NPAS3: variants seen among roughly 807,000 people sequenced by gnomAD.
NPAS3 encodes neuronal PAS domain-containing protein 3.
Under a neutral mutation model 73.1 loss-of-function variants are expected in NPAS3, and 14 were observed. The ratio of observed to expected loss-of-function variants is 0.19; its 90% CI spans 0.13 to 0.30. The LOEUF (loss-of-function observed/expected upper bound fraction) is 0.30. Among genes scored for constraint, NPAS3 ranks in the 10% least tolerant of loss-of-function variants. The probability of loss-of-function intolerance (pLI) is 1.00; values close to 1 mark genes in which losing one functional copy is unlikely to be tolerated. For synonymous variants in NPAS3, 620 were observed against 541.5 expected, an observed-to-expected ratio of 1.14 and a Z score of -2.01; for missense variants, 1,096 against 1,250.0, an observed-to-expected ratio of 0.88 and a Z score of 1.86.
chr14:33,298,247 C>G (rs905649085), intron 3 of NPAS3, among the ~76,000 whole-genome samples: 1 of 152,196 alleles, frequency 6.6e-6, no homozygotes, highest in Non-Finnish European at 1.5e-5. Context: ...CGTACCACCG[C>G]GCTCCAGCCT....
chr14:32,957,185 AG>A (rs1385977519), intron 1 of NPAS3, among the ~76,000 whole-genome samples: 1 of 152,170 alleles, frequency 6.6e-6, no homozygotes, highest in Non-Finnish European at 1.5e-5. Flanking sequence ...TCCCAGAAAA[AG>A]CTATGTAAAT....
intron 1 of NPAS3, among the ~76,000 whole-genome samples, chr14:32,987,545 A>T (rs761319988): frequency 3.9e-5 from 6 of 152,324 alleles, no homozygotes; most frequent in Middle Eastern, 3.4e-3. Flanking sequence ...AAAGATACCA[A>T]CATTGGAATT....
At chr14:33,685,566 T>C (rs1405683980) in intron 6 of NPAS3, among the ~76,000 whole-genome samples, 4 of 152,038 alleles carry the variant, frequency 2.6e-5, no homozygotes, top group African/African-American at 9.7e-5. Flanking sequence ...TCTGTAGGAG[T>C]GTCCTGAGTG....
chr14:33,530,727 C>T (rs1274823402), intron 4 of NPAS3, among the ~76,000 whole-genome samples: 5 of 143,432 alleles, frequency 3.5e-5, no homozygotes, highest in Non-Finnish European at 6.1e-5. Flanking sequence ...AAACTGGGTC[C>T]AAGGGTTAAA....
chr14:33,491,497 C>T (rs973370184), intron 4 of NPAS3, among the ~76,000 whole-genome samples: 8 of 152,090 alleles, frequency 5.3e-5, no homozygotes, highest in African/African-American at 1.9e-4. Context: ...TGGCCGTGAG[C>T]ACTAGGATTG....
At chr14:33,023,617 A>G (rs2039684593) in intron 1 of NPAS3, among the ~76,000 whole-genome samples, 1 of 152,240 alleles carries the variant, frequency 6.6e-6, no homozygotes, top group Admixed American at 6.5e-5. Context: ...ATAGATGGGA[A>G]GAGTATTCAG....
exon 6 of NPAS3, chr14:33,676,265 G>C: frequency 2.5e-6 from 4 of 1,613,922 alleles, no homozygotes; most frequent in Non-Finnish European, 3.4e-6. Context: ...AGATCACGTG[G>C]AGATGGCTGA....
chr14:33,005,124 C>G (rs1566456324), intron 1 of NPAS3, among the ~76,000 whole-genome samples: 1 of 151,866 alleles, frequency 6.6e-6, no homozygotes, highest in Admixed American at 6.6e-5. Flanking sequence ...ATAAGAAATG[C>G]CTAAACCAGT....
At chr14:33,708,164 G>A (rs190182193) in intron 6 of NPAS3, among the ~76,000 whole-genome samples, 5 of 152,232 alleles carry the variant, frequency 3.3e-5, no homozygotes, top group Admixed American at 1.3e-4. Flanking sequence ...GGCAGGTTTC[G>A]CAGCAGCCAC....
chr14:33,158,182 G>A (rs1271522428), intron 2 of NPAS3, among the ~76,000 whole-genome samples: 2 of 152,194 alleles, frequency 1.3e-5, no homozygotes, highest in South Asian at 2.1e-4. Context: ...ATTGTACCGC[G>A]AACTGTGGTT....
intron 3 of NPAS3, among the ~76,000 whole-genome samples, chr14:33,265,853 A>T (rs2040790710): frequency 6.6e-6 from 1 of 152,128 alleles, no homozygotes; most frequent in Non-Finnish European, 1.5e-5. Context: ...TTACCTTGGA[A>T]ATCACTGTCC....
chr14:33,502,059 T>G (rs2052543052), intron 4 of NPAS3, among the ~76,000 whole-genome samples: 1 of 151,814 alleles, frequency 6.6e-6, no homozygotes, highest in African/African-American at 2.4e-5. Context: ...TACAGGAAAA[T>G]AAAATATTAT....
At chr14:33,199,891 A>G (rs1261120057) in intron 2 of NPAS3, among the ~76,000 whole-genome samples, 1 of 152,094 alleles carries the variant, frequency 6.6e-6, no homozygotes, top group Non-Finnish European at 1.5e-5. Flanking sequence ...ATCATCTTTC[A>G]ACACGTACTT....
chr14:33,125,645 T>G (rs1242229915), intron 2 of NPAS3, among the ~76,000 whole-genome samples: 4 of 152,102 alleles, frequency 2.6e-5, no homozygotes, highest in African/African-American at 9.7e-5. Flanking sequence ...GACAAAAGCC[T>G]GTGAAACATG....
chr14:33,749,151 A>T (rs2061887791), intron 7 of NPAS3, among the ~76,000 whole-genome samples: 1 of 152,198 alleles, frequency 6.6e-6, no homozygotes, highest in African/African-American at 2.4e-5. Flanking sequence ...TGAAGACAAA[A>T]AGTAATAGTG....
chr14:33,735,868 T>C (rs1184075871), intron 7 of NPAS3, among the ~76,000 whole-genome samples: 5 of 152,102 alleles, frequency 3.3e-5, no homozygotes, highest in Non-Finnish European at 7.3e-5. Context: ...ATTCATAGAA[T>C]ACTCGATATA....
At chr14:33,440,432 A>G (rs1423357411) in intron 4 of NPAS3, among the ~76,000 whole-genome samples, 1 of 152,212 alleles carries the variant, frequency 6.6e-6, no homozygotes, top group Non-Finnish European at 1.5e-5. Flanking sequence ...TTGGAGTTTC[A>G]TGCCACAGAA....
chr14:33,425,851 C>T (rs1220769802), intron 4 of NPAS3, among the ~76,000 whole-genome samples: 1 of 152,026 alleles, frequency 6.6e-6, no homozygotes, highest in Non-Finnish European at 1.5e-5. Context: ...AGCATCAGCA[C>T]CTCACGGGAA....
At chr14:33,746,748 T>C (rs1015568786) in intron 7 of NPAS3, among the ~76,000 whole-genome samples, 2 of 151,724 alleles carry the variant, frequency 1.3e-5, no homozygotes, top group Non-Finnish European at 2.9e-5. Flanking sequence ...TATTTCTTTT[T>C]TTATTATTAT....
Sources: allele counts gnomAD v4.1 joint callset (sites outside exome capture counted in the v4.1 genomes callset), GRCh38; gene constraint gnomAD v4.1.1; transcripts MANE v1.5; gene names NCBI Gene and HGNC (gene_info 2026-07-23, HGNC 2026-07-21).